Variants in VAC14 observed in about 807,000 individuals in gnomAD.
VAC14 encodes the protein VAC14 component of PIKFYVE complex.
Under a neutral mutation model 85.3 loss-of-function variants are expected in VAC14, and 47 were observed. That is an observed-to-expected ratio of 0.55 (90% CI 0.44 to 0.70). The LOEUF (loss-of-function observed/expected upper bound fraction) is 0.70, where lower values mean the gene tolerates loss of function less well. Among genes scored for constraint, VAC14 ranks in the 30% least tolerant of loss-of-function variants. VAC14 has a pLI of 0.00. For missense variants in VAC14, 861 were observed against 1,004.3 expected, an observed-to-expected ratio of 0.86 and a Z score of 1.93; for synonymous variants, 447 against 430.5, an observed-to-expected ratio of 1.04 and a Z score of -0.47.
At position 70,697,269 on chromosome 16, in the gene VAC14, C is replaced by T. The variant is rs146435604; in HGVS notation, c.1837-12G>A. On this transcript the variant is annotated splice_polypyrimidine_tract_variant and intron_variant, in intron 15 of 18. Transcript: ENST00000261776. ...AGGTTCTGGCTCTCCTGTGGGGGAA[C>T]AGGCATGAGCCGTGAGGACACGCCT... is the stretch of plus-strand genomic sequence containing the variant. The T allele has an allele frequency of 7.5e-5, 121 of 1,609,956 alleles. 2 individuals carry two copies. In the Middle Eastern group the frequency reaches 2.2e-3, roughly 29 times the overall value.
rs760146342 is a variant in VAC14, at chr16:70,697,245, G to A, written c.1849C>T (p.Leu617=). Residue 617 remains leucine, a synonymous_variant, in exon 16 of 19, where the codon CTG becomes TTG. Transcript: ENST00000261776. ...CAGGAGCGGTACAGGCAGCAGAACA[G>A]GTTCTGGCTCTCCTGTGGGGGAACA... ...KDLKTLESQN[L]FCCLYRSWCH... is the part of the protein sequence containing the mutation. 2.5e-6 allele frequency: 4 copies of A among 1,613,686 alleles called. No homozygotes were observed. Among genetic ancestry groups the A allele is most frequent in the African/African-American group, 1.3e-5 (1 of 74,950 alleles).
intron 12 of VAC14, among the ~76,000 whole-genome samples, chr16:70,753,011 G>GTGTGTGTGT (rs1555521573): frequency 1.4e-4 from 20 of 142,978 alleles, no homozygotes; most frequent in African/African-American, 4.7e-4. Flanking sequence ...AGGAGGAGGG[G>GTGTGTGTGT]GTGTGTGTGT....
At chr16:70,742,944 G>A (rs1048010498) in intron 13 of VAC14, among the ~76,000 whole-genome samples, 1 of 152,222 alleles carries the variant, frequency 6.6e-6, no homozygotes, top group Non-Finnish European at 1.5e-5. Context: ...ACCAATCAGT[G>A]CTCTGTGTCT....
chr16:70,703,025 C>T (rs2053858696), intron 14 of VAC14, among the ~76,000 whole-genome samples: 1 of 152,244 alleles, frequency 6.6e-6, no homozygotes, highest in African/African-American at 2.4e-5. Context: ...AATCGACTTC[C>T]AGAACCTGAG....
chr16:70,725,047 C>T (rs956275420), intron 14 of VAC14, among the ~76,000 whole-genome samples: 10 of 152,228 alleles, frequency 6.6e-5, no homozygotes, highest in African/African-American at 1.9e-4. Flanking sequence ...AGAGTGGGGC[C>T]GCCTAGAAGC....
At chr16:70,726,253 G>A (rs1266749801) in intron 14 of VAC14, among the ~76,000 whole-genome samples, 1 of 152,264 alleles carries the variant, frequency 6.6e-6, no homozygotes, top group East Asian at 1.9e-4. Flanking sequence ...GGAAGGCAAC[G>A]CACACCAACA....
At chr16:70,707,768 A>G (rs937303621) in intron 14 of VAC14, among the ~76,000 whole-genome samples, 1 of 149,858 alleles carries the variant, frequency 6.7e-6, no homozygotes, top group African/African-American at 2.5e-5. Flanking sequence ...GTCATCTTCT[A>G]CCTTGGCCCA....
intron 13 of VAC14, among the ~76,000 whole-genome samples, chr16:70,734,951 G>A (rs1417388357): frequency 2.0e-5 from 3 of 152,208 alleles, no homozygotes; most frequent in Admixed American, 1.3e-4. Flanking sequence ...CATGTCCTTT[G>A]CAGCTCTGCC....
At chr16:70,752,663 T>C (rs1184372337) in intron 12 of VAC14, among the ~76,000 whole-genome samples, 4 of 152,300 alleles carry the variant, frequency 2.6e-5, no homozygotes, top group Admixed American at 2.6e-4. Flanking sequence ...CCCGCTTCAT[T>C]GTGGTTTACT....
At chr16:70,750,836 A>C (rs369714440) in intron 12 of VAC14, among the ~76,000 whole-genome samples, 1 of 151,936 alleles carries the variant, frequency 6.6e-6, no homozygotes, top group Non-Finnish European at 1.5e-5. Flanking sequence ...CGGTGTGGAA[A>C]GCTCCCAGCT....
intron 10 of VAC14, 31 bp from the exon 11 acceptor site, chr16:70,763,056 G>A: frequency 6.2e-7 from 1 of 1,613,736 alleles, no homozygotes; most frequent in Non-Finnish European, 8.5e-7. Flanking sequence ...GAGAGCAGAG[G>A]TGAAGCCCAC....
intron 14 of VAC14, among the ~76,000 whole-genome samples, chr16:70,727,996 C>A (rs535117904): frequency 2.0e-5 from 3 of 152,178 alleles, no homozygotes; most frequent in African/African-American, 7.2e-5. Flanking sequence ...CTGGAGAAAC[C>A]GGGTGAAGGA....
At chr16:70,697,435 G>A (rs2053736183) in intron 15 of VAC14, among the ~76,000 whole-genome samples, 178 bp from the exon 16 acceptor site, 1 of 152,214 alleles carries the variant, frequency 6.6e-6, no homozygotes, top group Non-Finnish European at 1.5e-5. Context: ...AATGCTGACA[G>A]CTCCTTCGCA....
intron 10 of VAC14, chr16:70,768,989 T>C: frequency 3.5e-6 from 1 of 282,816 alleles, no homozygotes; most frequent in Non-Finnish European, 6.9e-6. Flanking sequence ...TTTTAATTTT[T>C]ATTTTTAGTA....
At chr16:70,761,428 C>A (rs933378521) in intron 12 of VAC14, among the ~76,000 whole-genome samples, 1 of 152,218 alleles carries the variant, frequency 6.6e-6, no homozygotes, top group African/African-American at 2.4e-5. Context: ...CAGCTTGGAC[C>A]GTCAGCATCT....
rs182607211 is a variant in VAC14, at chr16:70,700,828, G to A, written c.1662-2017C>T. On this transcript the variant is annotated intron_variant, in intron 14 of 18. Transcript: ENST00000261776. ...CAAATGGTCACAAGTGCCCGTCGCC[G>A]GCAGCTGGTGCCGTCTCCATGACAG... Among the ~76,000 whole-genome samples the A allele has an allele frequency of 7.4e-4, 112 of 152,312 alleles. 1 individual carries two copies. The East Asian group carries it at 0.02, about 27-fold the overall frequency.
chr16:70,775,883 G>A (rs534807398), intron 9 of VAC14, among the ~76,000 whole-genome samples: 28 of 152,314 alleles, frequency 1.8e-4, no homozygotes, highest in Admixed American at 1.6e-3. Flanking sequence ...GACTGCTGAG[G>A]GGAAGGATTG....
chr16:70,764,062 T>C (rs1224832172), intron 10 of VAC14, among the ~76,000 whole-genome samples: 1 of 152,234 alleles, frequency 6.6e-6, no homozygotes, highest in Non-Finnish European at 1.5e-5. Context: ...AAACCGTCTC[T>C]TCGTGGCATT....
At chr16:70,747,411 G>A (rs1309718056) in intron 12 of VAC14, among the ~76,000 whole-genome samples, 4 of 150,744 alleles carry the variant, frequency 2.7e-5, no homozygotes, top group South Asian at 2.1e-4. Flanking sequence ...ATAATCTTGC[G>A]AAAAATACTA....
Sources: gnomAD v4.1 joint callset for allele counts (sites outside exome capture counted in the v4.1 genomes callset) on GRCh38, gnomAD v4.1.1 for gene constraint, MANE v1.5 for transcripts, NCBI Gene and HGNC (gene_info 2026-07-23, HGNC 2026-07-21) for gene names.